The following CRACDL variants were observed in gnomAD, a reference collection of about 807,000 sequenced individuals.
The protein encoded by CRACDL is CRACD like, also known as CRACD-like protein.
Under a neutral mutation model 70.6 loss-of-function variants are expected in CRACDL, and 26 were observed. The observed-to-expected ratio is 0.37, with a 90% confidence interval of 0.27 to 0.51. CRACDL has a LOEUF of 0.51. Ranked by LOEUF, CRACDL falls within the 20% of genes least tolerant of loss-of-function variation. The pLI, the probability that CRACDL is intolerant of heterozygous loss-of-function variation, is 0.94. For missense variants in CRACDL, 1,283 were observed against 1,376.9 expected (o/e 0.93, Z 1.08); for synonymous variants, 618 against 615.2 (o/e 1.00, Z -0.07).
At chr2:98,892,369 T>C (rs991555967) in intron 1 of CRACDL, among the ~76,000 whole-genome samples, 2 of 151,920 alleles carry the variant, frequency 1.3e-5, no homozygotes, top group African/African-American at 4.8e-5. Context: ...TAGAAGTATC[T>C]ATAAAATATA....
chr2:98,811,921 T>TA (rs35270397), intron 7 of CRACDL, among the ~76,000 whole-genome samples: 9,172 of 152,290 alleles, frequency 0.06, 296 homozygotes, highest in East Asian at 0.11. Flanking sequence ...ACAGTTTGTT[T>TA]CCCATTCACC....
chr2:98,808,906 C>T (rs765768859), intron 7 of CRACDL, among the ~76,000 whole-genome samples: 1 of 152,184 alleles, frequency 6.6e-6, no homozygotes, highest in Non-Finnish European at 1.5e-5. Flanking sequence ...TGCTTATCTG[C>T]TCCTGGGAGG....
chr2:98,913,545 C>T (rs553704567), intron 1 of CRACDL, among the ~76,000 whole-genome samples: 2 of 152,170 alleles, frequency 1.3e-5, no homozygotes, highest in South Asian at 2.1e-4. Context: ...GAAGGACCCA[C>T]GGGGCTGGCT....
At chr2:98,862,097 G>C (rs961165576) in intron 1 of CRACDL, among the ~76,000 whole-genome samples, 2 of 152,016 alleles carry the variant, frequency 1.3e-5, no homozygotes, top group Non-Finnish European at 2.9e-5. Context: ...TCTCATTCTC[G>C]GAGCCAGATA....
intron 2 of CRACDL, among the ~76,000 whole-genome samples, chr2:98,846,170 T>G (rs1444213688): frequency 6.6e-6 from 1 of 152,162 alleles, no homozygotes; most frequent in African/African-American, 2.4e-5. Context: ...AATAGCAATA[T>G]TTGGATAACA....
intron 1 of CRACDL, among the ~76,000 whole-genome samples, chr2:98,929,900 G>C (rs1036682592): frequency 1.3e-4 from 20 of 152,200 alleles, no homozygotes; most frequent in Middle Eastern, 3.4e-3. Context: ...GCACCACATG[G>C]ACCCAAGGCA....
chr2:98,893,178 A>G (rs928639740), intron 1 of CRACDL, among the ~76,000 whole-genome samples: 36 of 152,132 alleles, frequency 2.4e-4, no homozygotes, highest in African/African-American at 6.5e-4. Context: ...TCCACCTGAA[A>G]GTGCACCTCT....
chr2:98,929,582 C>T (rs186688911), intron 1 of CRACDL, among the ~76,000 whole-genome samples: 10 of 152,222 alleles, frequency 6.6e-5, no homozygotes, highest in South Asian at 2.1e-4. Flanking sequence ...AGCAAAGCTT[C>T]GCGAACCTCT....
At chr2:98,935,764 G>A (rs1709190437) in intron 1 of CRACDL, among the ~76,000 whole-genome samples, 174 bp downstream of exon 1, 2 of 152,162 alleles carry the variant, frequency 1.3e-5, no homozygotes, top group Non-Finnish European at 2.9e-5. Context: ...AGCTGCCCAG[G>A]GCTTCGGCGG....
rs141580723 is a variant in CRACDL at position 98,876,043 on chromosome 2, C to T, written c.-10-29233G>A. 7.1e-4 allele frequency among the ~76,000 whole-genome samples: 108 copies of T among 152,342 alleles called. 1 individual carries two copies. The highest frequency in any genetic ancestry group is 2.6e-3 in the African/African-American group (107 of 41,590). ...AAGCCACAAGCTTGCAAACTGGTTT[C>T]TTACACTTGAGAGCAAAAGCCAGTG... On this transcript the variant is annotated intron_variant, in intron 1 of 9. Coordinates refer to ENST00000397899, the MANE Select transcript of CRACDL (RefSeq NM_207362.3).
Position 98,832,378 on chromosome 2 carries a change from C to G in CRACDL, c.510G>C (p.Leu170=), listed in dbSNP as rs1705579259. 2 of 1,614,108 alleles carry G rather than the reference C, an allele frequency of 1.2e-6. No individual in the cohort carries two copies. Among genetic ancestry groups the G allele is most frequent in the Non-Finnish European group, 1.7e-6 (2 of 1,180,044 alleles). Residue 170 remains leucine (L), a synonymous_variant, in exon 5 of 10, where the codon CTG becomes CTC. Transcript: ENST00000397899. ...LPRSPPEMSL[L]HDVGPGTTIK... is the part of the protein sequence containing the mutation. ...TGGTGGTACCAGGACCCACGTCGTG[C>G]AGCAGAGACATCTCTGGGGGGCTCC...
chr2:98,837,744 T>C (rs770595031), intron 3 of CRACDL, among the ~76,000 whole-genome samples: 1 of 152,178 alleles, frequency 6.6e-6, no homozygotes, highest in Non-Finnish European at 1.5e-5. Context: ...CGTTCAACTT[T>C]AGAGAAATGC....
chr2:98,884,417 G>C (rs1162255878), intron 1 of CRACDL, among the ~76,000 whole-genome samples: 1 of 152,226 alleles, frequency 6.6e-6, no homozygotes, highest in Admixed American at 6.5e-5. Flanking sequence ...AATAGAGTAA[G>C]GTGGTGGGGC....
intron 7 of CRACDL, among the ~76,000 whole-genome samples, chr2:98,805,884 C>T (rs1429556520): frequency 3.3e-5 from 5 of 152,224 alleles, no homozygotes; most frequent in Non-Finnish European, 7.3e-5. Flanking sequence ...TCCCGCTGGG[C>T]CACATATCTC....
At position 98,823,133 on chromosome 2, in the gene CRACDL, C is replaced by A; in HGVS notation, c.1140G>T (p.Pro380=). The A allele has an allele frequency of 3.2e-6, 5 of 1,563,368 alleles. No homozygotes were observed. Among genetic ancestry groups the A allele is most frequent in the Non-Finnish European group, 4.3e-6 (5 of 1,158,354 alleles). The part of the protein sequence containing the change: ...KQDGEAPPAG[P]CAPATDKAEE... ...CCGCCTTGTCCGTGGCCGGGGCACACGGGCCTGCGGGGGGCGCCTCCCCAT... is the reference window on the plus strand; with the variant it reads ...CCGCCTTGTCCGTGGCCGGGGCACAAGGGCCTGCGGGGGGCGCCTCCCCAT... The change falls in exon 7 of 10, where the codon CCG becomes CCT. Residue 380 remains proline, a synonymous_variant. Transcript: ENST00000397899. This position sits in a 1 kb window ranked among gnomAD's most constrained non-coding sequence, Gnocchi z 4.0.
intron 7 of CRACDL, among the ~76,000 whole-genome samples, chr2:98,820,912 GA>G (rs1704998725): frequency 6.6e-6 from 1 of 152,220 alleles, no homozygotes; most frequent in African/African-American, 2.4e-5. Flanking sequence ...GAAAAGGTCA[GA>G]AGGACCCTAA....
intron 1 of CRACDL, among the ~76,000 whole-genome samples, chr2:98,917,051 C>T (rs1414876813): frequency 6.6e-6 from 1 of 152,250 alleles, no homozygotes; most frequent in Non-Finnish European, 1.5e-5. Context: ...GGCACTGGCC[C>T]CTGCCTCTTC....
rs749771987 is a variant in CRACDL, at chr2:98,796,123, A to G, written c.2746T>C (p.Leu916=). 7 of 1,613,688 alleles carry G rather than the reference A, an allele frequency of 4.3e-6. No homozygotes were observed. Among genetic ancestry groups the G allele is most frequent in the African/African-American group, 1.3e-5 (1 of 74,930 alleles). ...GTAATGTTTGCAGATTTCATACCCA[A>G]GTTCTGATGGGACAATGAGATTCCT... ...QRGISLSHQN[L]AQSAVMMEKE... Residue 916 remains leucine (L), a synonymous_variant, in exon 9 of 10, where the codon TTG becomes CTG. Transcript: ENST00000397899.
At chr2:98,865,460 C>T (rs1276357895) in intron 1 of CRACDL, among the ~76,000 whole-genome samples, 3 of 152,126 alleles carry the variant, frequency 2.0e-5, no homozygotes, top group Non-Finnish European at 2.9e-5. Context: ...CGCCTGGTTA[C>T]ATTCCCCATA....
Sources: allele counts gnomAD v4.1 joint callset (sites outside exome capture counted in the v4.1 genomes callset), GRCh38; gene constraint gnomAD v4.1.1; non-coding constraint Gnocchi (gnomAD v3.1); transcripts MANE v1.5; gene names NCBI Gene and HGNC (gene_info 2026-07-23, HGNC 2026-07-21).